MAPK9: variants seen among roughly 807,000 people sequenced by gnomAD.
MAPK9 encodes the protein Jun kinase.
Under a neutral mutation model 57.1 loss-of-function variants are expected in MAPK9, and 30 were observed. The ratio of observed to expected loss-of-function variants is 0.53; its 90% CI spans 0.39 to 0.71. MAPK9 has a LOEUF of 0.71. Among genes scored for constraint, MAPK9 ranks in the 30% least tolerant of loss-of-function variants. MAPK9 has a pLI of 0.00. For missense variants in MAPK9, 362 were observed against 521.0 expected (o/e 0.69, Z 2.97); for synonymous variants, 155 against 177.0 (o/e 0.88, Z 0.99).
intron 7 of MAPK9, among the ~76,000 whole-genome samples, chr5:180,243,855 A>G (rs1757847684): frequency 1.3e-5 from 2 of 152,120 alleles, no homozygotes; most frequent in Admixed American, 1.3e-4. Context: ...CCATATATAC[A>G]TATATAAATA....
At chr5:180,244,460 C>T (rs1395400826) in intron 7 of MAPK9, among the ~76,000 whole-genome samples, 1 of 152,042 alleles carries the variant, frequency 6.6e-6, no homozygotes, top group African/African-American at 2.4e-5. Flanking sequence ...TTTCTTATTC[C>T]TATTTGCAGC....
At chr5:180,238,653 G>A (rs1432006923) in intron 10 of MAPK9, among the ~76,000 whole-genome samples, 1 of 134,698 alleles carries the variant, frequency 7.4e-6, no homozygotes, top group Non-Finnish European at 1.5e-5. Context: ...CTGTCATCCA[G>A]GCTGGAGTAC....
rs1760786979 is a variant in MAPK9, at chr5:180,267,769, G to A, written c.252+1511C>T. On this transcript the variant is annotated intron_variant, in intron 3 of 11. Transcript: ENST00000452135. ...GGTCCCAGCTACTTGGAGGGCTGAGGTGGGAGAATCACAACCTGGGTGACA... is the reference window on the plus strand; with the variant it reads ...GGTCCCAGCTACTTGGAGGGCTGAGATGGGAGAATCACAACCTGGGTGACA... 2.0e-5 allele frequency among the ~76,000 whole-genome samples: 3 copies of A among 152,166 alleles called. No homozygotes were observed. The South Asian group carries it at 6.2e-4, about 32-fold the overall frequency.
At chr5:180,285,816 C>T in intron 1 of MAPK9, among the ~76,000 whole-genome samples, 1 of 151,814 alleles carries the variant, frequency 6.6e-6, no homozygotes, top group East Asian at 1.9e-4. Context: ...CGGTGGCTCA[C>T]ACCTGTAATC....
chr5:180,236,589 C>T (rs749584110), intron 11 of MAPK9, 63 bp from the exon 12 acceptor site: 25 of 1,565,802 alleles, frequency 1.6e-5, no homozygotes, highest in African/African-American at 2.7e-5. Flanking sequence ...ATCCAGGCAG[C>T]GAGACTGCAG....
At chr5:180,283,103 G>A (rs1165037645) in intron 1 of MAPK9, among the ~76,000 whole-genome samples, 1 of 152,138 alleles carries the variant, frequency 6.6e-6, no homozygotes, top group Non-Finnish European at 1.5e-5. Context: ...AGGCGCTGAG[G>A]TGCTCCAGGA....
Position 180,285,894 on chromosome 5 carries a change from T to C in MAPK9, c.-47-5286A>G, listed in dbSNP as rs571610400. ...GAGACGGAGACCATCCTGGCTAACA[T>C]GGTGAAACTCCGTCTCTACTAAAAA... On this transcript the variant is annotated intron_variant, in intron 1 of 11. Transcript: ENST00000452135. Among the ~76,000 whole-genome samples the C allele has an allele frequency of 1.4e-3, 208 of 151,420 alleles. 1 individual carries two copies. Among genetic ancestry groups the C allele is most frequent in the African/African-American group, 4.9e-3 (201 of 41,172 alleles).
chr5:180,249,981 C>G (rs902754119), intron 5 of MAPK9, among the ~76,000 whole-genome samples: 4 of 152,162 alleles, frequency 2.6e-5, no homozygotes, highest in African/African-American at 9.7e-5. Flanking sequence ...TCCCATGGCT[C>G]TTTCTCTCCT....
intron 6 of MAPK9, among the ~76,000 whole-genome samples, chr5:180,248,723 C>CAGAGT (rs1337699097): frequency 3.9e-5 from 6 of 152,094 alleles, no homozygotes; most frequent in Non-Finnish European, 8.8e-5. Flanking sequence ...GCACACTTGG[C>CAGAGT]TATAGACAGC....
intron 6 of MAPK9, 122 bp downstream of exon 6, chr5:180,248,851 T>C: frequency 1.1e-6 from 1 of 903,426 alleles, no homozygotes; most frequent in Non-Finnish European, 1.6e-6. Flanking sequence ...TCATGCTATA[T>C]TCTGGGTGTA....
intron 7 of MAPK9, among the ~76,000 whole-genome samples, chr5:180,243,879 G>A (rs189149553): frequency 2.6e-5 from 4 of 152,102 alleles, no homozygotes; most frequent in Non-Finnish European, 1.5e-5. Flanking sequence ...ACAGAGTCTC[G>A]CTCTGTCGCC....
intron 4 of MAPK9, among the ~76,000 whole-genome samples, chr5:180,263,802 T>G (rs1305187915): frequency 1.4e-5 from 2 of 147,502 alleles, no homozygotes; most frequent in African/African-American, 5.0e-5. Context: ...ACCTCCCGGG[T>G]TCACACCATT....
At chr5:180,278,170 C>T (rs1429871723) in intron 2 of MAPK9, among the ~76,000 whole-genome samples, 1 of 152,260 alleles carries the variant, frequency 6.6e-6, no homozygotes, top group East Asian at 1.9e-4. Context: ...ACAAGTCTCT[C>T]CGTGGTACAG....
intron 3 of MAPK9, among the ~76,000 whole-genome samples, chr5:180,267,219 T>C (rs967139362): frequency 2.0e-5 from 3 of 152,226 alleles, no homozygotes; most frequent in African/African-American, 7.2e-5. Flanking sequence ...GTTTGAATTT[T>C]TAAAAATAAT....
intron 7 of MAPK9, chr5:180,246,330 T>TA (rs1758096657): frequency 6.6e-6 from 1 of 152,116 alleles, no homozygotes; most frequent in African/African-American, 2.4e-5. Flanking sequence ...ACAAATAAAA[T>TA]AACTTGACAT....
chr5:180,259,393 A>C (rs936669992), intron 5 of MAPK9, among the ~76,000 whole-genome samples: 1 of 152,222 alleles, frequency 6.6e-6, no homozygotes, highest in Non-Finnish European at 1.5e-5. Flanking sequence ...GGATGTGGTC[A>C]AGTCTTCAGA....
chr5:180,268,111 A>C (rs1760861249), intron 3 of MAPK9, among the ~76,000 whole-genome samples: 1 of 152,140 alleles, frequency 6.6e-6, no homozygotes, highest in Non-Finnish European at 1.5e-5. Context: ...GGCGTGAGCC[A>C]CTGCACCCGG....
intron 1 of MAPK9, among the ~76,000 whole-genome samples, chr5:180,287,981 G>A (rs72811021): frequency 0.15 from 23,004 of 152,156 alleles, 2,138 homozygotes; most frequent in Middle Eastern, 0.2. Flanking sequence ...GGTTAAGATC[G>A]GGACTTTGAC....
chr5:180,247,492 C>T lies in MAPK9; in HGVS notation c.635G>A (p.Gly212Asp). ...YKENVDIWSV[G>D]CIMGELVKGC... ...TTTCACCAGCTCTCCCATGATGCAA[C>T]CCACTGACCAGATATCAACTGAAAA... The change falls in exon 7 of 12, where the codon GGT (glycine) becomes GAT (aspartate). Residue 212 changes from glycine to aspartate, a missense_variant. Gly to Asp is a moderately conservative substitution (Grantham distance 94). Coordinates refer to ENST00000452135, the MANE Select transcript of MAPK9 (RefSeq NM_002752.5). This position sits in a 1 kb window ranked among gnomAD's most constrained non-coding sequence, Gnocchi z 4.5. 1 of 1,613,988 alleles carries T rather than the reference C, an allele frequency of 6.2e-7. No homozygotes were observed. Among genetic ancestry groups the T allele is most frequent in the Non-Finnish European group, 8.5e-7 (1 of 1,179,958 alleles).
Sources: allele counts gnomAD v4.1 joint callset (sites outside exome capture counted in the v4.1 genomes callset), GRCh38; gene constraint gnomAD v4.1.1; non-coding constraint Gnocchi (gnomAD v3.1); transcripts MANE v1.5; gene names NCBI Gene and HGNC (gene_info 2026-07-23, HGNC 2026-07-21).